The following SMIM31 variants were observed in gnomAD, a reference collection of about 807,000 sequenced individuals.
The protein encoded by SMIM31 is small integral membrane protein 31.
At chr4:164,795,705 G>T (rs142284841) in intron 2 of SMIM31, among the ~76,000 whole-genome samples, 1 of 151,910 alleles carries the variant, frequency 6.6e-6, no homozygotes, top group East Asian at 1.9e-4. Context: ...AATAAAGATT[G>T]TATTTTTTTA....
intron 2 of SMIM31, among the ~76,000 whole-genome samples, chr4:164,794,315 C>A (rs1057186298): frequency 2.0e-5 from 3 of 151,912 alleles, no homozygotes; most frequent in Non-Finnish European, 4.4e-5. Context: ...GGAGGTTGAG[C>A]CTTCAGTGAG....
At chr4:164,771,517 A>G (rs1732801793) in intron 2 of SMIM31, among the ~76,000 whole-genome samples, 1 of 151,978 alleles carries the variant, frequency 6.6e-6, no homozygotes, top group Non-Finnish European at 1.5e-5. Context: ...TAAAGAATCC[A>G]CTTGCTGGGC....
At chr4:164,790,359 C>A (rs1733083898) in intron 2 of SMIM31, among the ~76,000 whole-genome samples, 1 of 152,044 alleles carries the variant, frequency 6.6e-6, no homozygotes, top group Admixed American at 6.6e-5. Context: ...GCTCTGAAAA[C>A]TAAATTATCT....
intron 1 of SMIM31, among the ~76,000 whole-genome samples, chr4:164,759,584 A>C (rs1732618355): frequency 6.6e-6 from 1 of 152,222 alleles, no homozygotes; most frequent in African/African-American, 2.4e-5. Flanking sequence ...ATTTATTTTT[A>C]TAGTGACCTA....
intron 2 of SMIM31, among the ~76,000 whole-genome samples, chr4:164,772,784 T>C (rs1732828105): frequency 6.6e-6 from 1 of 151,506 alleles, no homozygotes; most frequent in Non-Finnish European, 1.5e-5. Context: ...TTCACCGTGT[T>C]AGCCGGGATG....
At chr4:164,792,012 T>C (rs1733107865) in intron 2 of SMIM31, among the ~76,000 whole-genome samples, 1 of 152,228 alleles carries the variant, frequency 6.6e-6, no homozygotes, top group Non-Finnish European at 1.5e-5. Context: ...GCTGATGCTT[T>C]AGATCCTTGC....
intron 1 of SMIM31, among the ~76,000 whole-genome samples, chr4:164,767,798 G>A (rs1732738673): frequency 6.6e-6 from 1 of 152,210 alleles, no homozygotes; most frequent in African/African-American, 2.4e-5. Flanking sequence ...CGGGTTCCAA[G>A]TTCCATAATC....
At chr4:164,768,144 G>A (rs184450739) in intron 1 of SMIM31, among the ~76,000 whole-genome samples, 97 of 151,878 alleles carry the variant, frequency 6.4e-4, no homozygotes, top group African/African-American at 2.3e-3. Context: ...GCTGAAATGA[G>A]AGGATTGCTT....
intron 2 of SMIM31, chr4:164,787,440 C>G (rs982615933): frequency 2.6e-5 from 4 of 151,660 alleles, no homozygotes; most frequent in Non-Finnish European, 5.9e-5. Context: ...AGAGGACAAA[C>G]ACAGTGTTGC....
At chr4:164,762,062 C>A (rs1732658239) in intron 1 of SMIM31, among the ~76,000 whole-genome samples, 2 of 152,196 alleles carry the variant, frequency 1.3e-5, no homozygotes, top group South Asian at 4.1e-4. Context: ...AGAGTCACCT[C>A]ACCTCTCCAC....
At chr4:164,755,419 A>C (rs62352403) in intron 1 of SMIM31, among the ~76,000 whole-genome samples, 13 of 148,640 alleles carry the variant, frequency 8.7e-5, no homozygotes, top group African/African-American at 3.2e-4. Context: ...GGCGGAGGTT[A>C]CCATGAACTG....
chr4:164,779,539 A>T (rs1280217436), intron 2 of SMIM31, among the ~76,000 whole-genome samples: 3 of 151,886 alleles, frequency 2.0e-5, no homozygotes, highest in Admixed American at 6.6e-5. Context: ...AAAGTCAGCA[A>T]TTTTTTTTTG....
chr4:164,778,678 T>A (rs1374198275), intron 2 of SMIM31, among the ~76,000 whole-genome samples: 1 of 152,110 alleles, frequency 6.6e-6, no homozygotes, highest in Admixed American at 6.6e-5. Context: ...AAAATGAAAT[T>A]CCCAGAAGCA....
At chr4:164,790,052 C>T (rs1420146489) in intron 2 of SMIM31, among the ~76,000 whole-genome samples, 10 of 152,130 alleles carry the variant, frequency 6.6e-5, no homozygotes, top group Admixed American at 3.3e-4. Context: ...TTCTGTCTCA[C>T]GATATATTCA....
At chr4:164,792,396 T>C (rs1733113967) in intron 2 of SMIM31, among the ~76,000 whole-genome samples, 1 of 152,208 alleles carries the variant, frequency 6.6e-6, no homozygotes, top group African/African-American at 2.4e-5. Flanking sequence ...AAACTTAGTT[T>C]GTCTTGATGT....
intron 1 of SMIM31, among the ~76,000 whole-genome samples, chr4:164,760,053 C>A (rs1732625113): frequency 6.6e-6 from 1 of 151,988 alleles, no homozygotes; most frequent in Non-Finnish European, 1.5e-5. Context: ...AGTACAAAGG[C>A]CCTCTGGTGG....
intron 1 of SMIM31, among the ~76,000 whole-genome samples, chr4:164,756,672 AC>A (rs1432848358): frequency 1.3e-5 from 2 of 151,890 alleles, no homozygotes; most frequent in Admixed American, 6.6e-5. Context: ...ATCAAGTTCT[AC>A]CCCTGCCTCC....
intron 2 of SMIM31, among the ~76,000 whole-genome samples, chr4:164,773,137 G>A (rs2110935991): frequency 6.7e-6 from 1 of 149,730 alleles, no homozygotes; most frequent in African/African-American, 2.5e-5. Flanking sequence ...TTTTTAATAA[G>A]TAGATAAGGA....
intron 2 of SMIM31, among the ~76,000 whole-genome samples, chr4:164,783,604 T>G (rs1186929188): frequency 3.1e-5 from 4 of 129,472 alleles, no homozygotes. Context: ...AGTGTTTTCT[T>G]CATGCTTCTT....
Sources: allele counts gnomAD v4.1 joint callset (sites outside exome capture counted in the v4.1 genomes callset), GRCh38; gene constraint gnomAD v4.1.1; transcripts MANE v1.5; gene names NCBI Gene and HGNC (gene_info 2026-07-23, HGNC 2026-07-21).